The following THSD7A variants were observed in gnomAD, a reference collection of about 807,000 sequenced individuals.
The protein encoded by THSD7A is thrombospondin type 1 domain containing 7A, also known as thrombospondin type-1 domain-containing protein 7A.
Under a neutral mutation model 231.3 loss-of-function variants are expected in THSD7A, and 96 were observed. The observed-to-expected ratio is 0.41, with a 90% CI of 0.35 to 0.49. The LOEUF (loss-of-function observed/expected upper bound fraction) is 0.49, where lower values mean the gene tolerates loss of function less well. Among genes scored for constraint, THSD7A ranks in the 20% least tolerant of loss-of-function variants. The probability of loss-of-function intolerance (pLI) is 0.05; values close to 1 mark genes in which losing one functional copy is unlikely to be tolerated. For missense variants in THSD7A, 2,290 were observed against 2,070.2 expected, an observed-to-expected ratio of 1.11 and a Z score of -2.06; for synonymous variants, 940 against 743.3, an observed-to-expected ratio of 1.26 and a Z score of -4.30.
Position 11,542,813 on chromosome 7 carries a change from G to T in THSD7A, c.1609+149C>A, listed in dbSNP as rs552400701. 51 of 837,580 alleles carry T rather than the reference G, an allele frequency of 6.1e-5. No homozygotes were observed. The African/African-American group carries it at 8.1e-4, about 13-fold the overall frequency. 51.9% of individuals were successfully genotyped at this position (837,580 alleles called of 1,614,324 possible). A position where few individuals can be genotyped will look rare whatever the true frequency, so the allele number is the denominator to read the frequency against. ...TTTTAATCTTCTGGTACTATCACTG[G>T]AGAAGGTTAATTCATCTTTTGAAAT... On this transcript the variant is annotated intron_variant, in intron 5 of 27. Coordinates refer to ENST00000423059, the MANE Select transcript of THSD7A (RefSeq NM_015204.3).
rs761851828 is a variant in THSD7A at position 11,636,689 on chromosome 7, C to T, written c.463G>A (p.Val155Met). 1.2e-6 allele frequency: 2 copies of T among 1,614,024 alleles called. No individual in the cohort carries two copies. Among genetic ancestry groups the T allele is most frequent in the East Asian group, 2.2e-5 (1 of 44,874 alleles). ...TTCTGGATGCACGCTATCTCCCTCA[C>T]CTGAATACCTTCTTCCCCCTTAATG... ...ECIKGEEGIQ[V>M]REIACIQKDK... The change falls in exon 2 of 28, where the codon GTG becomes ATG. Residue 155 changes from valine (V) to methionine (M), a missense_variant. Transcript: ENST00000423059. The surrounding 1 kb of genome is among the most constrained non-coding windows in gnomAD (Gnocchi z 10.0).
chr7:11,709,765 C>G (rs564871278), intron 1 of THSD7A, among the ~76,000 whole-genome samples: 20 of 150,864 alleles, frequency 1.3e-4, no homozygotes, highest in Admixed American at 7.9e-4. Flanking sequence ...GAAGGTAAAT[C>G]ATGACTAGGA....
intron 1 of THSD7A, among the ~76,000 whole-genome samples, chr7:11,784,870 T>C (rs186640380): frequency 5.3e-5 from 8 of 152,288 alleles, no homozygotes; most frequent in African/African-American, 1.9e-4. Flanking sequence ...TGTTTTGTGT[T>C]TGCTTTTGCC....
At chr7:11,509,230 G>T (rs1036860296) in intron 6 of THSD7A, among the ~76,000 whole-genome samples, 2 of 152,000 alleles carry the variant, frequency 1.3e-5, no homozygotes, top group African/African-American at 4.8e-5. Context: ...TTTCTTTGGG[G>T]CTTTGATATG....
chr7:11,676,963 C>T (rs187296289), intron 1 of THSD7A, among the ~76,000 whole-genome samples: 9 of 151,918 alleles, frequency 5.9e-5, no homozygotes, highest in African/African-American at 9.6e-5. Context: ...AAGACATAAT[C>T]GTCAGATTCA....
intron 13 of THSD7A, among the ~76,000 whole-genome samples, chr7:11,431,519 T>G (rs1784478202): frequency 6.6e-6 from 1 of 152,208 alleles, no homozygotes; most frequent in Non-Finnish European, 1.5e-5. Context: ...AACGATTTAT[T>G]TTTGAACTGT....
chr7:11,555,127 C>G (rs956272093), intron 4 of THSD7A, among the ~76,000 whole-genome samples: 6 of 150,946 alleles, frequency 4.0e-5, no homozygotes, highest in African/African-American at 1.2e-4. Context: ...TACTTCTTTC[C>G]TTCTTGCTTT....
chr7:11,464,400 T>A (rs1417135314), intron 9 of THSD7A, among the ~76,000 whole-genome samples: 1 of 152,108 alleles, frequency 6.6e-6, no homozygotes, highest in African/African-American at 2.4e-5. Flanking sequence ...GAGTTCAGCA[T>A]TAGTGGCACC....
At chr7:11,813,726 T>C (rs1469479603) in intron 1 of THSD7A, among the ~76,000 whole-genome samples, 1 of 49,126 alleles carries the variant, frequency 2.0e-5, no homozygotes, top group Non-Finnish European at 4.8e-5. Flanking sequence ...ATAATAATAA[T>C]AATAATAATA....
rs567814895 is a variant in THSD7A, at chr7:11,814,772, C to T, written c.190+16985G>A. ...TTATGAATTATTTGATTTCATAAAT[C>T]CAAATCCATTTTGATGACTCTCCCA... On this transcript the variant is annotated intron_variant, in intron 1 of 27. Transcript: ENST00000423059. This position sits in a 1 kb window ranked among gnomAD's most constrained non-coding sequence, Gnocchi z 5.1. 5.9e-5 allele frequency among the ~76,000 whole-genome samples: 9 copies of T among 152,198 alleles called. No individual in the cohort carries two copies. The highest frequency in any genetic ancestry group is 2.2e-4 in the African/African-American group (9 of 41,520).
At chr7:11,621,424 C>T (rs6980392) in intron 2 of THSD7A, among the ~76,000 whole-genome samples, 26,360 of 152,044 alleles carry the variant, frequency 0.17, 4,379 homozygotes, top group African/African-American at 0.43. Context: ...TATGAGTTTA[C>T]GATGACATCC....
At chr7:11,485,296 C>T (rs1366046906) in intron 6 of THSD7A, among the ~76,000 whole-genome samples, 2 of 152,098 alleles carry the variant, frequency 1.3e-5, no homozygotes, top group African/African-American at 4.8e-5. Context: ...TTGATTAGAA[C>T]CAGATTGTCT....
chr7:11,817,833 T>C (rs1488625302), intron 1 of THSD7A, among the ~76,000 whole-genome samples: 1 of 152,128 alleles, frequency 6.6e-6, no homozygotes, highest in African/African-American at 2.4e-5. Flanking sequence ...AGGTCAAAAT[T>C]CATGCACTTC....
intron 1 of THSD7A, among the ~76,000 whole-genome samples, chr7:11,683,052 C>A (rs116151772): frequency 6.8e-6 from 1 of 147,658 alleles, no homozygotes; most frequent in Admixed American, 6.9e-5. Context: ...ACCCAGGGGA[C>A]GGAATTTGCA....
intron 13 of THSD7A, among the ~76,000 whole-genome samples, chr7:11,438,321 T>C (rs1355252908): frequency 6.6e-6 from 1 of 152,042 alleles, no homozygotes; most frequent in Non-Finnish European, 1.5e-5. Flanking sequence ...AGATATTCTA[T>C]TAAAAGGTTT....
chr7:11,772,952 T>C (rs972059709), intron 1 of THSD7A, among the ~76,000 whole-genome samples: 1 of 152,108 alleles, frequency 6.6e-6, no homozygotes, highest in Admixed American at 6.5e-5. Flanking sequence ...GGTGACAAAA[T>C]GTGTTTTTAA....
At chr7:11,382,499 C>T (rs773637246) in intron 24 of THSD7A, 22 bp downstream of exon 24, 1 of 1,583,386 alleles carries the variant, frequency 6.3e-7, no homozygotes, top group East Asian at 2.2e-5. Flanking sequence ...TTTCAAAGGA[C>T]AAAGAGAAAC....
chr7:11,503,135 T>C (rs1223268980), intron 6 of THSD7A, among the ~76,000 whole-genome samples: 1 of 152,072 alleles, frequency 6.6e-6, no homozygotes, highest in Non-Finnish European at 1.5e-5. Context: ...TGGAACAGAA[T>C]AGAGAGCCCA....
chr7:11,469,793 C>T, intron 9 of THSD7A, 86 bp downstream of exon 9: 1 of 903,256 alleles, frequency 1.1e-6, no homozygotes, highest in East Asian at 2.7e-5. Context: ...GTGCAAAACT[C>T]ACAAACATTG....
Sources: gnomAD v4.1 joint callset for allele counts (sites outside exome capture counted in the v4.1 genomes callset) on GRCh38, gnomAD v4.1.1 for gene constraint, Gnocchi (gnomAD v3.1) non-coding constraint, MANE v1.5 for transcripts, NCBI Gene and HGNC (gene_info 2026-07-23, HGNC 2026-07-21) for gene names.